Variants in TNK2 observed in about 807,000 individuals in gnomAD.
The protein encoded by TNK2 is tyrosine kinase non receptor 2, also known as activated CDC42 kinase 1.
Under a neutral mutation model 101.8 loss-of-function variants are expected in TNK2, and 83 were observed. That is an observed-to-expected ratio of 0.82 (90% CI 0.68 to 0.98). The LOEUF is 0.98. Among genes scored for constraint, TNK2 ranks in the 50% least tolerant of loss-of-function variants. TNK2 has a pLI of 0.00. For synonymous variants in TNK2, 804 were observed against 633.0 expected, an observed-to-expected ratio of 1.27 and a Z score of -4.06; for missense variants, 1,665 against 1,483.2, an observed-to-expected ratio of 1.12 and a Z score of -2.01.
At chr3:195,898,148 G>T (rs987066390) in intron 1 of TNK2, among the ~76,000 whole-genome samples, 1 of 151,768 alleles carries the variant, frequency 6.6e-6, no homozygotes, top group African/African-American at 2.4e-5. Flanking sequence ...CTAGCCACCC[G>T]AGGTAGAAAC....
chr3:195,871,721 C>G (rs1310458088), intron 10 of TNK2, among the ~76,000 whole-genome samples: 2 of 152,242 alleles, frequency 1.3e-5, no homozygotes, highest in African/African-American at 4.8e-5. Flanking sequence ...CTTTCATCTA[C>G]AGTGAGTGGG....
intron 1 of TNK2, among the ~76,000 whole-genome samples, chr3:195,893,464 G>A (rs1371208030): frequency 2.0e-5 from 3 of 151,966 alleles, no homozygotes; most frequent in Admixed American, 1.3e-4. Flanking sequence ...GACTCCTGCT[G>A]GGACGCCCCC....
In TNK2 at chr3:195,867,188, C is replaced by T; in HGVS notation, c.3014G>A (p.Arg1005Lys). ...ALQCHGWSVQ[R>K]AAQYLKVEQL... is the part of the protein sequence containing the mutation. ...CGGTACCTTCAGATACTGGGCAGCC[C>T]TCTGCACGCTCCAGCCGTGGCACTG... Residue 1005 changes from arginine to lysine, a missense_variant, in exon 14 of 16, where the codon AGG becomes AAG. By Grantham distance (26) the Arg-to-Lys change is conservative. This residue lies in a region of TNK2 where 1,136 missense variants were observed against 894.9 expected (regional missense o/e 1.27). Transcript: ENST00000672887. 6.2e-7 allele frequency: 1 copy of T among 1,612,984 alleles called. No homozygotes were observed. The highest frequency in any genetic ancestry group is 8.5e-7 in the Non-Finnish European group (1 of 1,179,914).
At chr3:195,903,364 G>C (rs114691067) in intron 1 of TNK2, among the ~76,000 whole-genome samples, 4,758 of 152,278 alleles carry the variant, frequency 0.031, 116 homozygotes, top group Middle Eastern at 0.16. Context: ...TTAATGGTGA[G>C]AGACTAAATG....
Position 195,869,310 on chromosome 3 carries a change from C to T in TNK2, c.1588+187G>A, listed in dbSNP as rs1473281924. ...CCAGGGCCACACTCGTGAGCAGAAG[C>T]CCAGGCTCCGGGGGGCGGGCTCGAG... On this transcript the variant is annotated intron_variant, in intron 12 of 15. Transcript: ENST00000672887. 9.4e-5 allele frequency: 62 copies of T among 660,956 alleles called. 1 individual carries two copies. In the East Asian group the frequency reaches 1.6e-3, roughly 17 times the overall value. The allele number at this position is 660,956 out of a possible 1,614,324, so 40.9% of individuals were successfully genotyped here.
chr3:195,885,692 A>G lies in TNK2; in HGVS notation c.235-659T>C. ...AGAGCTGAGGGCTGAGACGGAAGGA[A>G]AAGTGGAGGAGACTCGGAGGCCAGG... On this transcript the variant is annotated intron_variant, in intron 3 of 15. Coordinates refer to ENST00000672887, the MANE Select transcript of TNK2 (RefSeq NM_001382273.1). The surrounding 1 kb of genome is among the most constrained non-coding windows in gnomAD (Gnocchi z 4.7). 1 of 825,594 alleles carries G rather than the reference A, an allele frequency of 1.2e-6. No individual in the cohort carries two copies. The allele number at this position is 825,594 out of a possible 1,614,324, so 51.1% of individuals were successfully genotyped here.
chr3:195,896,446 G>A (rs940739695), intron 1 of TNK2: 1 of 271,262 alleles, frequency 3.7e-6, no homozygotes, highest in Non-Finnish European at 7.4e-6. Context: ...AAGCACACCA[G>A]GGTAGGTGGA....
chr3:195,884,835 A>C lies in TNK2; in HGVS notation c.433T>G (p.Trp145Gly). The change falls in exon 4 of 16, where the codon TGG becomes GGG. Residue 145 changes from tryptophan to glycine, a missense_variant. Trp to Gly is a radical substitution (Grantham distance 184). Transcript: ENST00000672887. ...ACCGTCTTCCCTGAGGGCGCGTCCCACTCGCCCCTGCGCACCACGCCAAAG... is the reference window on the plus strand; with the variant it reads ...ACCGTCTTCCCTGAGGGCGCGTCCCCCTCGCCCCTGCGCACCACGCCAAAG... ...GSFGVVRRGE[W>G]DAPSGKTVSV... The C allele has an allele frequency of 6.2e-7, 1 of 1,612,102 alleles. No homozygotes were observed.
In TNK2 at chr3:195,864,310, G is replaced by A. The variant is rs984229001; in HGVS notation, c.3162-123C>T. The A allele has an allele frequency of 1.7e-5, 18 of 1,064,120 alleles. No homozygotes were observed. In the East Asian group the frequency reaches 3.6e-4, roughly 21 times the overall value. The allele number at this position is 1,064,120 out of a possible 1,614,324, so 65.9% of individuals were successfully genotyped here. On this transcript the variant is annotated intron_variant, in intron 15 of 15. Transcript: ENST00000672887. The stretch of plus-strand genomic sequence containing the variant: ...AAGCTGGCAGTCCCCGGCAAGGACT[G>A]TAAAATTTATCATCCTGGATGTCTT...
intron 6 of TNK2, among the ~76,000 whole-genome samples, chr3:195,879,978 A>AATTTAAGACCTCTGCTC (rs1229449749): frequency 6.6e-6 from 1 of 152,158 alleles, no homozygotes; most frequent in East Asian, 1.9e-4. Flanking sequence ...CAACGGGCAT[A>AATTTAAGACCTCTGCTC]ATTTAAGACC....
intron 9 of TNK2, among the ~76,000 whole-genome samples, chr3:195,873,462 G>A (rs922318533): frequency 9.2e-5 from 14 of 151,796 alleles, no homozygotes; most frequent in African/African-American, 3.1e-4. Flanking sequence ...CTGGGCAGGC[G>A]GGGGCGGTGA....
intron 12 of TNK2, 194 bp from the exon 13 acceptor site, chr3:195,868,903 C>G (rs1405917719): frequency 3.2e-5 from 20 of 617,796 alleles, no homozygotes; most frequent in Non-Finnish European, 4.6e-5. Flanking sequence ...GAGGGCGGAA[C>G]CTGCTCTGCC....
Position 195,882,296 on chromosome 3 carries a change from C to T in TNK2, c.642G>A (p.Leu214=). 1.2e-6 allele frequency: 2 copies of T among 1,613,384 alleles called. No individual in the cohort carries two copies. Among genetic ancestry groups the T allele is most frequent in the Non-Finnish European group, 1.7e-6 (2 of 1,179,792 alleles). ...GGCCCTGGTGCTTACGTAGCCGGTC[C>T]AACAACGATCCCAGAGGTGCCAGCT... ...VTELAPLGSL[L]DRLRKHQGHF... is the part of the protein sequence containing the mutation. The change falls in exon 6 of 16, where the codon TTG becomes TTA. Residue 214 remains leucine, a synonymous_variant. Coordinates refer to ENST00000672887, the MANE Select transcript of TNK2 (RefSeq NM_001382273.1). This position sits in a 1 kb window ranked among gnomAD's most constrained non-coding sequence, Gnocchi z 4.2.
In TNK2 at chr3:195,888,028, G is replaced by A. The variant is rs1191598870; in HGVS notation, c.163+398C>T. 1.5e-4 allele frequency among the ~76,000 whole-genome samples: 23 copies of A among 152,150 alleles called. No homozygotes were observed. The highest frequency in any genetic ancestry group is 6.5e-4 in the Admixed American group (10 of 15,274). On this transcript the variant is annotated intron_variant, in intron 2 of 15. Coordinates refer to ENST00000672887, the MANE Select transcript of TNK2 (RefSeq NM_001382273.1). The surrounding 1 kb of genome is among the most constrained non-coding windows in gnomAD (Gnocchi z 5.3). ...CGTGTGAGAGAGCAAGAAAGAGAGC[G>A]TGAGCACGAATCAGCAAACCATCTG...
At chr3:195,879,399 G>C (rs1190357428) in intron 6 of TNK2, 5 of 510,852 alleles carry the variant, frequency 9.8e-6, no homozygotes, top group Non-Finnish European at 1.7e-5. Flanking sequence ...CTTGCAGCCT[G>C]GTGGGGGAAG....
At chr3:195,876,577 C>T (rs988783027) in intron 9 of TNK2, 26 of 456,546 alleles carry the variant, frequency 5.7e-5, no homozygotes, top group Admixed American at 3.1e-4. Flanking sequence ...CAAGCCTCAC[C>T]GGCTGTTGTG....
intron 6 of TNK2, among the ~76,000 whole-genome samples, chr3:195,880,075 G>A (rs570356601): frequency 6.6e-6 from 1 of 152,236 alleles, no homozygotes; most frequent in African/African-American, 2.4e-5. Context: ...CACCGCTTGG[G>A]AAAGCAGAAC....
chr3:195,872,263 G>C lies in TNK2; in HGVS notation c.1451+13C>G, dbSNP rs187172444. ...CGGGGCCAGGTCAGCATCCATCCCC[G>C]CCCAGTACTCACTCGTCAATCCTGT... On this transcript the variant is annotated intron_variant, in intron 10 of 15. Coordinates refer to ENST00000672887, the MANE Select transcript of TNK2 (RefSeq NM_001382273.1). The C allele has an allele frequency of 3.7e-5, 59 of 1,612,994 alleles. No homozygotes were observed. The East Asian group carries it at 1.2e-3, about 34-fold the overall frequency.
chr3:195,874,092 G>A (rs1297562107), intron 9 of TNK2, among the ~76,000 whole-genome samples: 2 of 152,206 alleles, frequency 1.3e-5, no homozygotes, highest in Admixed American at 6.5e-5. Context: ...CCCCGGCACC[G>A]GCTGGGCTGC....
Sources: allele counts gnomAD v4.1 joint callset (sites outside exome capture counted in the v4.1 genomes callset), GRCh38; gene constraint gnomAD v4.1.1; regional missense constraint gnomAD v4.1.1; non-coding constraint Gnocchi (gnomAD v3.1); transcripts MANE v1.5; gene names NCBI Gene and HGNC (gene_info 2026-07-23, HGNC 2026-07-21).